CHRDL2: variants seen among roughly 807,000 people sequenced by gnomAD.
CHRDL2 encodes the protein chordin-like protein 2.
CHRDL2 carries 41 observed loss-of-function variants against 54.3 expected under a neutral mutation model. That is an observed-to-expected ratio of 0.76 (90% CI 0.59 to 0.98). CHRDL2 has a LOEUF of 0.98. Among genes scored for constraint, CHRDL2 ranks in the 50% least tolerant of loss-of-function variants. The probability of loss-of-function intolerance (pLI) is 0.00; values close to 1 mark genes in which losing one functional copy is unlikely to be tolerated. For missense variants in CHRDL2, 518 were observed against 562.4 expected (o/e 0.92, Z 0.80); for synonymous variants, 220 against 224.3 (o/e 0.98, Z 0.17).
intron 1 of CHRDL2, among the ~76,000 whole-genome samples, chr11:74,722,442 T>A (rs2034513035): frequency 2.6e-5 from 4 of 152,198 alleles, no homozygotes; most frequent in African/African-American, 9.7e-5. Context: ...ATCTATTAAA[T>A]GGAACTAATA....
chr11:74,720,044 T>G (rs113924218), intron 1 of CHRDL2, among the ~76,000 whole-genome samples: 154 of 152,352 alleles, frequency 1.0e-3, no homozygotes, highest in African/African-American at 3.2e-3. Context: ...CAGCACAAGC[T>G]AAGTGCCAGT....
At chr11:74,697,895 GGT>G (rs1357508067) in intron 9 of CHRDL2, among the ~76,000 whole-genome samples, 1 of 152,098 alleles carries the variant, frequency 6.6e-6, no homozygotes, top group Non-Finnish European at 1.5e-5. Flanking sequence ...AAAATCAATA[GGT>G]GTGTTTATTC....
At chr11:74,711,562 T>C (rs2135257329) in intron 3 of CHRDL2, among the ~76,000 whole-genome samples, 1 of 152,308 alleles carries the variant, frequency 6.6e-6, no homozygotes, top group Middle Eastern at 3.4e-3. Flanking sequence ...CCTCTGGTCC[T>C]GAGAGAGCCC....
intron 9 of CHRDL2, chr11:74,697,645 G>A (rs773876584): frequency 1.1e-5 from 5 of 465,788 alleles, no homozygotes; most frequent in South Asian, 7.8e-5. Context: ...CCACAGTGAA[G>A]CCTGTTTTCT....
intron 3 of CHRDL2, 113 bp downstream of exon 3, chr11:74,713,273 C>T: frequency 2.3e-6 from 2 of 881,296 alleles, no homozygotes; most frequent in Non-Finnish European, 3.6e-6. Flanking sequence ...TGTGTCTACA[C>T]CTCTGATGGG....
chr11:74,730,526 T>G (rs993636970), intron 1 of CHRDL2, among the ~76,000 whole-genome samples: 1 of 152,124 alleles, frequency 6.6e-6, no homozygotes, highest in Non-Finnish European at 1.5e-5. Context: ...CTAGGAACAG[T>G]AAGTCCTCCC....
intron 9 of CHRDL2, among the ~76,000 whole-genome samples, chr11:74,700,033 C>T (rs548338824): frequency 7.2e-5 from 11 of 152,368 alleles, no homozygotes; most frequent in African/African-American, 2.6e-4. Flanking sequence ...CACACCTTGG[C>T]CATCCTCCCT....
chr11:74,700,425 C>T (rs2033762347), intron 9 of CHRDL2, among the ~76,000 whole-genome samples: 1 of 151,884 alleles, frequency 6.6e-6, no homozygotes, highest in Admixed American at 6.6e-5. Context: ...TCATTGAGGC[C>T]CATCCTTCAC....
chr11:74,702,481 C>T (rs2033850801), intron 9 of CHRDL2, among the ~76,000 whole-genome samples: 2 of 152,190 alleles, frequency 1.3e-5, no homozygotes, highest in African/African-American at 4.8e-5. Flanking sequence ...CCCCCGCTCC[C>T]AGTGCTAAAA....
At chr11:74,707,084 G>A (rs1216142083) in intron 5 of CHRDL2, among the ~76,000 whole-genome samples, 6 of 152,146 alleles carry the variant, frequency 3.9e-5, no homozygotes, top group East Asian at 1.9e-4. Context: ...ACACAAAGCC[G>A]TTTGGAGCCC....
intron 1 of CHRDL2, among the ~76,000 whole-genome samples, chr11:74,725,891 C>CT (rs1269471602): frequency 2.0e-5 from 3 of 152,190 alleles, no homozygotes; most frequent in Non-Finnish European, 4.4e-5. Flanking sequence ...CATACTTTCT[C>CT]TATTTATTTA....
In CHRDL2 at chr11:74,704,560, A is replaced by G; in HGVS notation, c.677T>C (p.Ile226Thr). The change falls in exon 7 of 11, where the codon ATC (isoleucine) becomes ACC (threonine). Residue 226 changes from isoleucine (I) to threonine (T), a missense_variant. Physicochemically the swap from Ile to Thr is moderately conservative, Grantham distance 89 (BLOSUM62 -1). Coordinates refer to ENST00000376332, the MANE Select transcript of CHRDL2 (RefSeq NM_001278473.3). ...TCCCTTGGGTCTGAAGTGGCGAGGG[A>G]TGAAGCTCAGAGGGGCGCTGAGGCC... is the stretch of plus-strand genomic sequence containing the variant. ...PTGLSAPLSF[I>T]PRHFRPKGAG... The G allele has an allele frequency of 6.3e-7, 1 of 1,582,792 alleles. No individual in the cohort carries two copies.
At chr11:74,701,146 G>A (rs2033794773) in intron 9 of CHRDL2, 1 of 154,646 alleles carries the variant, frequency 6.5e-6, no homozygotes, top group African/African-American at 2.4e-5. Flanking sequence ...AACCTGATAT[G>A]GTGGAATGAG....
chr11:74,702,110 G>C (rs1172289833), intron 9 of CHRDL2, among the ~76,000 whole-genome samples: 1 of 152,064 alleles, frequency 6.6e-6, no homozygotes, highest in African/African-American at 2.4e-5. Context: ...ACAAAAATTA[G>C]CTGGGCGTGG....
intron 2 of CHRDL2, among the ~76,000 whole-genome samples, chr11:74,718,259 G>A (rs527856640): frequency 2.0e-5 from 3 of 152,332 alleles, no homozygotes; most frequent in Non-Finnish European, 4.4e-5. Flanking sequence ...CCTTCCAGGT[G>A]GAGGTCATTT....
chr11:74,710,438 A>C (rs1565152972), intron 4 of CHRDL2, among the ~76,000 whole-genome samples: 1 of 152,088 alleles, frequency 6.6e-6, no homozygotes, highest in African/African-American at 2.4e-5. Context: ...CTTCAGATTA[A>C]TTTCCATTTG....
At chr11:74,727,713 T>A (rs2034593357) in intron 1 of CHRDL2, among the ~76,000 whole-genome samples, 1 of 152,010 alleles carries the variant, frequency 6.6e-6, no homozygotes, top group African/African-American at 2.4e-5. Flanking sequence ...CCCCATGTTT[T>A]TACTTGGTAA....
intron 9 of CHRDL2, chr11:74,701,356 C>A (rs1246239310): frequency 2.4e-6 from 1 of 419,210 alleles, no homozygotes; most frequent in East Asian, 3.4e-5. Flanking sequence ...GAACCCAAAG[C>A]CCCTGCTTGT....
At chr11:74,699,130 C>T (rs928013746) in intron 9 of CHRDL2, 7 of 152,400 alleles carry the variant, frequency 4.6e-5, no homozygotes, top group Admixed American at 4.6e-4. Flanking sequence ...GGGATTATAT[C>T]ATAGCGGCAG....
Sources: gnomAD v4.1 joint callset for allele counts (sites outside exome capture counted in the v4.1 genomes callset) on GRCh38, gnomAD v4.1.1 for gene constraint, MANE v1.5 for transcripts, NCBI Gene and HGNC (gene_info 2026-07-23, HGNC 2026-07-21) for gene names.